RBFOX3: variants seen among roughly 807,000 people sequenced by gnomAD.
RBFOX3 encodes RNA binding fox-1 homolog 3, also known as RNA binding protein fox-1 homolog 3.
In RBFOX3, 17 loss-of-function variants were observed where a neutral mutation model predicts 48.7. The ratio of observed to expected loss-of-function variants is 0.35; its 90% confidence interval spans 0.24 to 0.52. The LOEUF (loss-of-function observed/expected upper bound fraction) is 0.52, where lower values mean the gene tolerates loss of function less well. RBFOX3 is among the 20% of genes least tolerant of loss of function. The probability of loss-of-function intolerance (pLI) is 0.94; values close to 1 mark genes in which losing one functional copy is unlikely to be tolerated. For missense variants in RBFOX3, 382 were observed against 497.5 expected (o/e 0.77, Z 2.21); for synonymous variants, 212 against 209.5 (o/e 1.01, Z -0.10).
chr17:79,376,196 T>C (rs916637145), intron 2 of RBFOX3, among the ~76,000 whole-genome samples: 1 of 152,168 alleles, frequency 6.6e-6, no homozygotes, highest in Non-Finnish European at 1.5e-5. Flanking sequence ...GACTGCCTTC[T>C]CCAGGTTTGT....
intron 4 of RBFOX3, among the ~76,000 whole-genome samples, chr17:79,117,641 G>A (rs2034453671): frequency 6.6e-6 from 1 of 152,152 alleles, no homozygotes; most frequent in Non-Finnish European, 1.5e-5. Context: ...CTGCACAGGT[G>A]GATCTGGCAT....
intron 4 of RBFOX3, among the ~76,000 whole-genome samples, chr17:79,219,895 C>T (rs2059507410): frequency 6.6e-6 from 1 of 151,778 alleles, no homozygotes; most frequent in Non-Finnish European, 1.5e-5. Context: ...GTATCCCCTG[C>T]CGGGTATTAC....
chr17:79,146,067 G>A (rs915238517), intron 4 of RBFOX3, among the ~76,000 whole-genome samples: 27 of 152,104 alleles, frequency 1.8e-4, no homozygotes, highest in Non-Finnish European at 3.1e-4. Context: ...ATCTAATGCC[G>A]CTGCTGATCT....
At chr17:79,497,553 C>A (rs2081731911) in intron 1 of RBFOX3, among the ~76,000 whole-genome samples, 1 of 152,204 alleles carries the variant, frequency 6.6e-6, no homozygotes, top group Non-Finnish European at 1.5e-5. Context: ...AGGCCAGAAG[C>A]CACCGGTGTC....
intron 1 of RBFOX3, among the ~76,000 whole-genome samples, chr17:79,582,351 T>C (rs1358659462): frequency 6.6e-6 from 1 of 152,196 alleles, no homozygotes; most frequent in African/African-American, 2.4e-5. Flanking sequence ...TGTATGTGTG[T>C]GTGTGCAAGT....
intron 3 of RBFOX3, among the ~76,000 whole-genome samples, chr17:79,294,537 C>T (rs1452412045): frequency 6.6e-6 from 1 of 152,150 alleles, no homozygotes; most frequent in Non-Finnish European, 1.5e-5. Context: ...GTCTCGAACT[C>T]CTGACCTCAA....
chr17:79,118,832 C>G (rs2034857847), intron 4 of RBFOX3, among the ~76,000 whole-genome samples: 1 of 150,974 alleles, frequency 6.6e-6, no homozygotes, highest in Non-Finnish European at 1.5e-5. Flanking sequence ...AAAAAAATAG[C>G]CAGGTGTGGT....
intron 2 of RBFOX3, among the ~76,000 whole-genome samples, chr17:79,310,352 T>A (rs1053657769): frequency 6.6e-6 from 1 of 152,080 alleles, no homozygotes; most frequent in African/African-American, 2.4e-5. Context: ...CCTCTCCCCA[T>A]GACTGGTGCA....
rs921125407 is a variant in RBFOX3, at chr17:79,252,598, T to C, written c.-73-16793A>G. The stretch of plus-strand genomic sequence containing the variant: ...TTCCTCGATGGTAAACCAGTGAGGC[T>C]CCTTCCTGACTTCTGCCTTCCAGAA... On this transcript the variant is annotated intron_variant, in intron 3 of 14. Coordinates refer to ENST00000693108, the MANE Select transcript of RBFOX3 (RefSeq NM_001350451.2). This position sits in a 1 kb window ranked among gnomAD's most constrained non-coding sequence, Gnocchi z 4.0. Among the ~76,000 whole-genome samples, 1 of 152,150 alleles carries C rather than the reference T, an allele frequency of 6.6e-6. No individual in the cohort carries two copies. The highest frequency in any genetic ancestry group is 1.5e-5 in the Non-Finnish European group (1 of 68,022).
chr17:79,590,547 TG>T (rs1215065502), intron 1 of RBFOX3, among the ~76,000 whole-genome samples: 1 of 152,076 alleles, frequency 6.6e-6, no homozygotes, highest in Non-Finnish European at 1.5e-5. Context: ...AAATGTAAAT[TG>T]CCTTCCCTGT....
chr17:79,652,519 AG>A, the RBFOX3 span, among the ~76,000 whole-genome samples: 3 of 131,574 alleles, frequency 2.3e-5, no homozygotes, highest in Non-Finnish European at 3.2e-5. Flanking sequence ...AAAGGAAAGG[AG>A]AGGGGAGGGG....
intron 3 of RBFOX3, among the ~76,000 whole-genome samples, chr17:79,265,968 T>C (rs1222280438): frequency 6.6e-6 from 1 of 152,216 alleles, no homozygotes; most frequent in African/African-American, 2.4e-5. Context: ...AATTTAAATT[T>C]ATACAAACAC....
In RBFOX3 at chr17:79,198,472, A is replaced by G. The variant is rs73412100; in HGVS notation, c.-34+37294T>C. Among the ~76,000 whole-genome samples the G allele has an allele frequency of 2.0e-3, 311 of 152,320 alleles. 3 individuals carry two copies. Among genetic ancestry groups the G allele is most frequent in the African/African-American group, 6.8e-3 (284 of 41,562 alleles). On this transcript the variant is annotated intron_variant, in intron 4 of 14. Transcript: ENST00000693108. This position sits in a 1 kb window ranked among gnomAD's most constrained non-coding sequence, Gnocchi z 8.2. ...GAAAGTTCACAAATGTCACCTCAGT[A>G]TGCCTCACTCAAGCCTGTGGGACAG...
chr17:79,177,574 C>G (rs2050870579), intron 4 of RBFOX3, among the ~76,000 whole-genome samples: 1 of 152,198 alleles, frequency 6.6e-6, no homozygotes, highest in Admixed American at 6.5e-5. Context: ...GGTTGGAGAG[C>G]CAGGGGGCAC....
Position 79,194,753 on chromosome 17 carries a change from G to T in RBFOX3, c.-34+41013C>A, listed in dbSNP as rs62061052. On this transcript the variant is annotated intron_variant, in intron 4 of 14. Transcript: ENST00000693108. ...AATTGAGACACTCCCTGTGTGTGTGGGTGTGTGTGTGTGTGTGTGTGTGTG... is the reference window on the plus strand; with the variant it reads ...AATTGAGACACTCCCTGTGTGTGTGTGTGTGTGTGTGTGTGTGTGTGTGTG... 4.0e-3 allele frequency among the ~76,000 whole-genome samples: 591 copies of T among 149,134 alleles called. 7 individuals are homozygous for T. Among genetic ancestry groups the T allele is most frequent in the African/African-American group, 0.012 (489 of 40,362 alleles).
At chr17:79,547,699 GC>G (rs1555792352) in intron 1 of RBFOX3, among the ~76,000 whole-genome samples, 1 of 152,204 alleles carries the variant, frequency 6.6e-6, no homozygotes, top group East Asian at 1.9e-4. Flanking sequence ...CAGTCCAGGG[GC>G]TGCCGTCCAG....
Position 79,311,204 on chromosome 17 carries a change from G to A in RBFOX3, c.-174-3380C>T, listed in dbSNP as rs542179260. 1.9e-3 allele frequency among the ~76,000 whole-genome samples: 293 copies of A among 152,192 alleles called. No individual in the cohort carries two copies. The highest frequency in any genetic ancestry group is 6.3e-3 in the African/African-American group (260 of 41,526). ...TCCCAGCACTTTGGGAGGCCGAGGC[G>A]GGTAGATCACCTGAGGTCAGGAGTT... On this transcript the variant is annotated intron_variant, in intron 2 of 14. Transcript: ENST00000693108. This position sits in a 1 kb window ranked among gnomAD's most constrained non-coding sequence, Gnocchi z 4.2.
intron 1 of RBFOX3, among the ~76,000 whole-genome samples, chr17:79,538,216 T>C (rs1303075851): frequency 6.6e-6 from 1 of 152,162 alleles, no homozygotes; most frequent in Non-Finnish European, 1.5e-5. Flanking sequence ...TCATGATGAG[T>C]CTTCTCTCCC....
intron 4 of RBFOX3, among the ~76,000 whole-genome samples, chr17:79,146,854 G>A (rs1025482821): frequency 8.5e-5 from 13 of 152,234 alleles, no homozygotes; most frequent in Non-Finnish European, 1.8e-4. Context: ...GGAGGGGGCA[G>A]AGGCCTGAGG....
Sources: allele counts gnomAD v4.1 joint callset (sites outside exome capture counted in the v4.1 genomes callset), GRCh38; gene constraint gnomAD v4.1.1; non-coding constraint Gnocchi (gnomAD v3.1); transcripts MANE v1.5; gene names NCBI Gene and HGNC (gene_info 2026-07-23, HGNC 2026-07-21).